Variants in CDC42SE2 observed in about 807,000 individuals in gnomAD.
The protein encoded by CDC42SE2 is CDC42 small effector protein 2.
In CDC42SE2, 3 loss-of-function variants were observed where a neutral mutation model predicts 11.5. That is an observed-to-expected ratio of 0.26 (90% CI 0.12 to 0.67). The LOEUF is 0.67. CDC42SE2 is among the 30% of genes least tolerant of loss of function. The probability of loss-of-function intolerance (pLI) is 0.80; values close to 1 mark genes in which losing one functional copy is unlikely to be tolerated. For synonymous variants in CDC42SE2, 33 were observed against 34.8 expected (o/e 0.95, Z 0.18); for missense variants, 82 against 106.8 (o/e 0.77, Z 1.02).
At chr5:131,210,210 T>G in the CDC42SE2 span, among the ~76,000 whole-genome samples, 2 of 152,210 alleles carry the variant, frequency 1.3e-5, no homozygotes, top group African/African-American at 4.8e-5. Flanking sequence ...CAGCCTCAGG[T>G]ATTCCCTTAT....
At chr5:131,378,553 T>C (rs2149784783) in intron 3 of CDC42SE2, among the ~76,000 whole-genome samples, 1 of 152,358 alleles carries the variant, frequency 6.6e-6, no homozygotes, top group Non-Finnish European at 1.5e-5. Flanking sequence ...TCATGGTGCC[T>C]CTAGGCCAAG....
intron 1 of CDC42SE2, among the ~76,000 whole-genome samples, chr5:131,290,953 G>A (rs537462944): frequency 2.0e-5 from 3 of 152,168 alleles, no homozygotes; most frequent in South Asian, 2.1e-4. Flanking sequence ...TTTTCCCAGA[G>A]TTCAAGATAA....
intron 2 of CDC42SE2, among the ~76,000 whole-genome samples, chr5:131,352,551 G>C (rs1342601151): frequency 6.6e-6 from 1 of 152,060 alleles, no homozygotes; most frequent in Non-Finnish European, 1.5e-5. Context: ...AATTATATGT[G>C]CATCCCTACC....
At chr5:131,333,896 A>G (rs1758487947) in intron 2 of CDC42SE2, among the ~76,000 whole-genome samples, 1 of 152,232 alleles carries the variant, frequency 6.6e-6, no homozygotes. Context: ...ATATACAATC[A>G]TGTCATCTGC....
intron 3 of CDC42SE2, among the ~76,000 whole-genome samples, chr5:131,363,380 T>C (rs932194973): frequency 1.3e-5 from 2 of 152,160 alleles, no homozygotes; most frequent in Non-Finnish European, 2.9e-5. Context: ...TGTTAATTTG[T>C]TTTTGTTTGT....
At chr5:131,348,092 GGAT>G (rs1480888241) in intron 2 of CDC42SE2, among the ~76,000 whole-genome samples, 4 of 152,130 alleles carry the variant, frequency 2.6e-5, no homozygotes, top group Non-Finnish European at 4.4e-5. Context: ...CACAAGACAG[GGAT>G]GTCCTCTCTC....
chr5:131,287,951 A>G (rs1757375202), intron 1 of CDC42SE2, among the ~76,000 whole-genome samples: 1 of 152,012 alleles, frequency 6.6e-6, no homozygotes, highest in South Asian at 2.1e-4. Flanking sequence ...TTTGTCAAAA[A>G]TGGGAGAAGT....
rs1229606996 is a variant in CDC42SE2, at chr5:131,310,915, T to G, written c.-454-5061T>G. On this transcript the variant is annotated intron_variant, in intron 1 of 4. Transcript: ENST00000505065. ...TTTATCCAATTTGCCAGTCTGTCTT[T>G]TAATTGGAGCATTTAGTCCATTTAC... Among the ~76,000 whole-genome samples the G allele has an allele frequency of 6.6e-5, 10 of 152,184 alleles. No individual in the cohort carries two copies. The East Asian group carries it at 1.9e-3, about 29-fold the overall frequency.
chr5:131,226,265 T>G, the CDC42SE2 span, among the ~76,000 whole-genome samples: 1 of 152,242 alleles, frequency 6.6e-6, no homozygotes, highest in Non-Finnish European at 1.5e-5. Flanking sequence ...CACTTTAGTA[T>G]AGCAATTTAG....
At chr5:131,320,047 T>C (rs1758128821) in intron 2 of CDC42SE2, among the ~76,000 whole-genome samples, 2 of 106,260 alleles carry the variant, frequency 1.9e-5, no homozygotes, top group Admixed American at 2.4e-4. Flanking sequence ...CAAGACTCCG[T>C]CTTAAAGAAA....
chr5:131,211,331 T>G, the CDC42SE2 span, among the ~76,000 whole-genome samples: 1 of 152,270 alleles, frequency 6.6e-6, no homozygotes, highest in Non-Finnish European at 1.5e-5. Context: ...ATTTTTTAAT[T>G]GCTACATTAT....
chr5:131,353,031 T>C (rs1749395067), intron 2 of CDC42SE2, among the ~76,000 whole-genome samples: 1 of 152,070 alleles, frequency 6.6e-6, no homozygotes, highest in South Asian at 2.1e-4. Flanking sequence ...CAGTGGCGCG[T>C]CTTGGTGTAC....
intron 2 of CDC42SE2, among the ~76,000 whole-genome samples, chr5:131,337,967 C>T (rs190103932): frequency 1.8e-4 from 28 of 152,330 alleles, no homozygotes; most frequent in Non-Finnish European, 3.1e-4. Flanking sequence ...GTGCGCTGCA[C>T]CCACTGTCCG....
At chr5:131,352,020 G>T (rs568069289) in intron 2 of CDC42SE2, among the ~76,000 whole-genome samples, 2 of 152,198 alleles carry the variant, frequency 1.3e-5, no homozygotes, top group South Asian at 2.1e-4. Flanking sequence ...TACATGAATG[G>T]CCAAGAAGCA....
At chr5:131,237,650 C>T in the CDC42SE2 span, among the ~76,000 whole-genome samples, 2 of 152,164 alleles carry the variant, frequency 1.3e-5, no homozygotes, top group African/African-American at 4.8e-5. Flanking sequence ...ACGAGCATAG[C>T]TTACTGCAGC....
intron 2 of CDC42SE2, among the ~76,000 whole-genome samples, chr5:131,332,159 T>C (rs1246186604): frequency 6.6e-6 from 1 of 152,128 alleles, no homozygotes; most frequent in Non-Finnish European, 1.5e-5. Context: ...GATGTTCCCC[T>C]TCCTGTGTCC....
At chr5:131,351,347 C>T (rs1187564563) in intron 2 of CDC42SE2, among the ~76,000 whole-genome samples, 4 of 152,088 alleles carry the variant, frequency 2.6e-5, no homozygotes, top group East Asian at 3.9e-4. Flanking sequence ...CTTTGCCTCC[C>T]GGGTTCACGC....
At chr5:131,330,688 C>A (rs1244592939) in intron 2 of CDC42SE2, among the ~76,000 whole-genome samples, 2 of 151,984 alleles carry the variant, frequency 1.3e-5, no homozygotes, top group African/African-American at 4.8e-5. Flanking sequence ...AAATATCCCA[C>A]AATGCACAGG....
At chr5:131,316,731 G>A (rs758231243) in intron 2 of CDC42SE2, among the ~76,000 whole-genome samples, 9 of 152,102 alleles carry the variant, frequency 5.9e-5, no homozygotes, top group Admixed American at 6.5e-5. Context: ...TGTGAAGGAG[G>A]GAGAACCAAG....
Sources: gnomAD v4.1 joint callset for allele counts (sites outside exome capture counted in the v4.1 genomes callset) on GRCh38, gnomAD v4.1.1 for gene constraint, MANE v1.5 for transcripts, NCBI Gene and HGNC (gene_info 2026-07-23, HGNC 2026-07-21) for gene names.